The following RTL4 variants were observed in gnomAD, a reference collection of about 807,000 sequenced individuals.
RTL4 encodes the protein retrotransposon Gag-like protein 4.
In RTL4, 4 loss-of-function variants were observed where a neutral mutation model predicts 5.3. That is an observed-to-expected ratio of 0.75 (90% CI 0.37 to 1.72). RTL4 has a LOEUF of 1.72. Ranked by LOEUF, RTL4 falls within the 40% of genes most tolerant of loss-of-function variation. RTL4 has a pLI of 0.04. For missense variants in RTL4, 260 were observed against 227.1 expected (o/e 1.14, Z -0.93); for synonymous variants, 98 against 87.3 (o/e 1.12, Z -0.68).
chrX:112,437,673 C>A, the RTL4 span, among the ~76,000 whole-genome samples: 1 of 111,257 alleles, frequency 9.0e-6, no homozygotes, highest in African/African-American at 3.3e-5. Context: ...CATTTTCTCC[C>A]TCTGTAAAAT....
the RTL4 span, among the ~76,000 whole-genome samples, chrX:112,119,697 TCTAA>T: frequency 5.4e-5 from 6 of 111,383 alleles, no homozygotes; most frequent in African/African-American, 2.0e-4. Flanking sequence ...TTCTGTGGAG[TCTAA>T]CTGTGATGGG....
At chrX:112,434,798 C>T in the RTL4 span, among the ~76,000 whole-genome samples, 2 of 111,480 alleles carry the variant, frequency 1.8e-5, no homozygotes, top group East Asian at 2.8e-4. Flanking sequence ...TGGATCTCTT[C>T]GGCATCAGCT....
the RTL4 span, among the ~76,000 whole-genome samples, chrX:112,352,454 A>T: frequency 9.0e-6 from 1 of 111,691 alleles, no homozygotes; most frequent in Non-Finnish European, 1.9e-5. Context: ...CAGTAACCAA[A>T]ACAGGATGGT....
chrX:112,229,871 C>T, the RTL4 span, among the ~76,000 whole-genome samples: 1 of 111,717 alleles, frequency 9.0e-6, no homozygotes, highest in African/African-American at 3.3e-5. Flanking sequence ...AATGCTGCTG[C>T]CTGATCGTTC....
At chrX:112,307,744 T>A in the RTL4 span, among the ~76,000 whole-genome samples, 1 of 112,077 alleles carries the variant, frequency 8.9e-6, no homozygotes, top group Admixed American at 9.6e-5. Context: ...TAATTCAAAC[T>A]TTGAGTACCA....
At chrX:112,240,103 A>G in the RTL4 span, among the ~76,000 whole-genome samples, 1 of 112,247 alleles carries the variant, frequency 8.9e-6, no homozygotes, top group Non-Finnish European at 1.9e-5. Flanking sequence ...TCAACAAATA[A>G]TTTGAAAATA....
At chrX:112,245,729 T>C in the RTL4 span, among the ~76,000 whole-genome samples, 3 of 112,448 alleles carry the variant, frequency 2.7e-5, no homozygotes, top group South Asian at 7.3e-4. Context: ...CATCCAGCTT[T>C]GTTCCATTGC....
the RTL4 span, among the ~76,000 whole-genome samples, chrX:112,258,006 T>G: frequency 7.3e-5 from 8 of 108,847 alleles, no homozygotes; most frequent in Non-Finnish European, 1.3e-4. Context: ...AGGTTGTTTT[T>G]GTAATTTGGT....
chrX:112,204,628 A>G, the RTL4 span, among the ~76,000 whole-genome samples: 2 of 111,487 alleles, frequency 1.8e-5, no homozygotes, highest in African/African-American at 6.5e-5. Context: ...AAACAATTGA[A>G]CTCATGGACA....
chrX:112,325,463 A>G, the RTL4 span, among the ~76,000 whole-genome samples: 27 of 111,727 alleles, frequency 2.4e-4, no homozygotes, highest in Non-Finnish European at 5.6e-5. Context: ...ATATAGACCA[A>G]TGGAACAGAA....
the RTL4 span, among the ~76,000 whole-genome samples, chrX:112,336,036 G>A: frequency 9.1e-6 from 1 of 109,668 alleles, no homozygotes; most frequent in Non-Finnish European, 1.9e-5. Flanking sequence ...GTAGAGACGG[G>A]GTTTCATTTC....
the RTL4 span, among the ~76,000 whole-genome samples, chrX:112,144,618 C>T: frequency 9.0e-6 from 1 of 111,486 alleles, no homozygotes; most frequent in African/African-American, 3.3e-5. Flanking sequence ...AAACAACATA[C>T]TAGTGCCTGG....
chrX:112,292,463 C>T, the RTL4 span, among the ~76,000 whole-genome samples: 1 of 111,907 alleles, frequency 8.9e-6, no homozygotes, highest in Non-Finnish European at 1.9e-5. Context: ...CTCTTCCTCA[C>T]ATTGAATATC....
the RTL4 span, among the ~76,000 whole-genome samples, chrX:112,128,659 C>CAAAAAAAAAAAAAAAAAAAAAA: frequency 7.3e-5 from 3 of 41,126 alleles, no homozygotes; most frequent in Admixed American, 3.2e-4. Flanking sequence ...CTCTGTCTCA[C>CAAAAAAAAAAAAAAAAAAAAAA]AAAAAAAAAA....
chrX:112,433,482 C>G, the RTL4 span, among the ~76,000 whole-genome samples: 3 of 61,243 alleles, frequency 4.9e-5, no homozygotes, highest in Admixed American at 6.1e-4. Flanking sequence ...GTATTTTATT[C>G]TCTTTGAAGC....
chrX:112,457,002 T>C lies in RTL4; in HGVS notation c.*1341T>C, dbSNP rs1602583846. 2.4e-5 allele frequency: 3 copies of C among 123,593 alleles called. No homozygotes were observed. In the Admixed American group the frequency reaches 2.8e-4, roughly 12 times the overall value. 10.2% of individuals were successfully genotyped at this position (123,593 alleles called of 1,213,427 possible). A position where few individuals can be genotyped will look rare whatever the true frequency, so the allele number is the denominator to read the frequency against. On this transcript the variant is annotated 3_prime_UTR_variant, in exon 1 of 1. Coordinates refer to ENST00000340433, the Ensembl canonical transcript of RTL4. ...AAAACTGTTCAGCAATGATCACTGC[T>C]GGTAATTACCAGCCCTCTGTTCCCT...
At chrX:112,336,667 CAT>C in the RTL4 span, among the ~76,000 whole-genome samples, 5 of 112,397 alleles carry the variant, frequency 4.4e-5, no homozygotes, top group African/African-American at 1.3e-4. Flanking sequence ...AGTCTAGTCA[CAT>C]GTCATATACT....
the RTL4 span, among the ~76,000 whole-genome samples, chrX:112,281,840 T>A: frequency 8.9e-6 from 1 of 112,127 alleles, no homozygotes; most frequent in East Asian, 2.8e-4. Context: ...AAATTATTTG[T>A]TTGCTTACTA....
At chrX:112,419,189 T>C in the RTL4 span, among the ~76,000 whole-genome samples, 1 of 102,811 alleles carries the variant, frequency 9.7e-6, no homozygotes, top group Non-Finnish European at 2.0e-5. Context: ...CAGAAAGAAC[T>C]GGGACTTGGG....
Sources: allele counts gnomAD v4.1 joint callset (sites outside exome capture counted in the v4.1 genomes callset), GRCh38; gene constraint gnomAD v4.1.1; transcripts MANE v1.5; gene names NCBI Gene and HGNC (gene_info 2026-07-23, HGNC 2026-07-21).